Variants in BAZ2B observed in about 807,000 individuals in gnomAD.
The protein encoded by BAZ2B is bromodomain adjacent to zinc finger domain protein 2B.
In BAZ2B, 91 loss-of-function variants were observed where a neutral mutation model predicts 246.0. The ratio of observed to expected loss-of-function variants is 0.37; its 90% CI spans 0.31 to 0.44. The LOEUF is 0.44. Among genes scored for constraint, BAZ2B ranks in the 20% least tolerant of loss-of-function variants. BAZ2B has a pLI of 1.00. For missense variants in BAZ2B, 2,332 were observed against 2,533.7 expected (o/e 0.92, Z 1.71); for synonymous variants, 855 against 860.0 (o/e 0.99, Z 0.10).
chr2:159,445,752 G>A (rs1188598178), intron 6 of BAZ2B, among the ~76,000 whole-genome samples: 1 of 152,198 alleles, frequency 6.6e-6, no homozygotes, highest in Non-Finnish European at 1.5e-5. Context: ...TAGAGAAGCT[G>A]TCAGCCAGCA....
At chr2:159,377,500 C>T (rs925981797) in intron 25 of BAZ2B, among the ~76,000 whole-genome samples, 1 of 152,080 alleles carries the variant, frequency 6.6e-6, no homozygotes, top group South Asian at 2.1e-4. Flanking sequence ...CTATTTAACT[C>T]TATAATTCAA....
intron 13 of BAZ2B, among the ~76,000 whole-genome samples, chr2:159,414,920 T>C (rs2067423281): frequency 6.6e-6 from 1 of 152,042 alleles, no homozygotes; most frequent in Non-Finnish European, 1.5e-5. Context: ...AGTATAATAG[T>C]GGTACTGTGG....
chr2:159,543,527 T>G (rs1444173460), intron 2 of BAZ2B, among the ~76,000 whole-genome samples: 1 of 151,504 alleles, frequency 6.6e-6, no homozygotes, highest in African/African-American at 2.4e-5. Context: ...CCTAAAATCT[T>G]AACAATTCTT....
intron 2 of BAZ2B, among the ~76,000 whole-genome samples, chr2:159,497,637 T>A (rs1363127417): frequency 6.6e-6 from 1 of 152,152 alleles, no homozygotes; most frequent in East Asian, 1.9e-4. Flanking sequence ...AAGTGGTTGC[T>A]GAGATTAAGA....
intron 14 of BAZ2B, among the ~76,000 whole-genome samples, chr2:159,406,507 T>G (rs1309285223): frequency 6.6e-6 from 1 of 152,204 alleles, no homozygotes; most frequent in Non-Finnish European, 1.5e-5. Flanking sequence ...TATCCTTGCT[T>G]TCTTCTGCTG....
the BAZ2B span, among the ~76,000 whole-genome samples, chr2:159,644,990 CT>C: frequency 6.6e-6 from 1 of 152,142 alleles, no homozygotes; most frequent in Non-Finnish European, 1.5e-5. Flanking sequence ...AAAATCACCT[CT>C]GGGCCAGGCA....
At chr2:159,677,646 C>A in the BAZ2B span, among the ~76,000 whole-genome samples, 1 of 152,128 alleles carries the variant, frequency 6.6e-6, no homozygotes, top group African/African-American at 2.4e-5. Context: ...CATATTGCAA[C>A]AATGGAGAGT....
intron 2 of BAZ2B, among the ~76,000 whole-genome samples, chr2:159,554,237 A>G (rs2088759115): frequency 1.3e-5 from 2 of 152,208 alleles, no homozygotes; most frequent in Admixed American, 1.3e-4. Flanking sequence ...AAACTGTGGG[A>G]AAAAAAATTT....
chr2:159,698,523 A>AG, the BAZ2B span, among the ~76,000 whole-genome samples: 12 of 145,906 alleles, frequency 8.2e-5, no homozygotes, highest in Non-Finnish European at 1.4e-4. Flanking sequence ...CACAAAAAAA[A>AG]AAAAACAAAA....
Position 159,453,790 on chromosome 2 carries a change from T to C in BAZ2B, c.157A>G (p.Arg53Gly). The change falls in exon 4 of 37, where the codon AGA (arginine) becomes GGA (glycine). Residue 53 changes from arginine to glycine, a missense_variant. This residue lies in a region of BAZ2B where 242 missense variants were observed against 237.4 expected (regional missense o/e 1.02). Transcript: ENST00000392783. ...TTAAACGGTTGATCCCCAGCTGTTC[T>C]GAATAAATGTCCTGGGAGGGAAAAA... is the stretch of plus-strand genomic sequence containing the variant. ...STINPCGHLF[R>G]TAGDQPFNLS... is the part of the protein sequence containing the mutation. 6.3e-7 allele frequency: 1 copy of C among 1,595,300 alleles called. No homozygotes were observed. Among genetic ancestry groups the C allele is most frequent in the Non-Finnish European group, 8.5e-7 (1 of 1,170,298 alleles).
chr2:159,559,055 C>T (rs2089543647), intron 1 of BAZ2B, among the ~76,000 whole-genome samples: 1 of 152,068 alleles, frequency 6.6e-6, no homozygotes, highest in Non-Finnish European at 1.5e-5. Context: ...GCCTGGGCAA[C>T]ATGGTGAAAC....
chr2:159,324,674 ACACACACACACACACCTGC>A, intron 36 of BAZ2B, 118 bp downstream of exon 36: 1 of 273,524 alleles, frequency 3.7e-6, no homozygotes. Flanking sequence ...ACACACACAC[ACACACACACACACACCTGC>A]CTCAAAGGCA....
At chr2:159,356,525 G>T (rs905913424) in intron 27 of BAZ2B, among the ~76,000 whole-genome samples, 1 of 152,204 alleles carries the variant, frequency 6.6e-6, no homozygotes, top group Non-Finnish European at 1.5e-5. Flanking sequence ...ATCTCCCTGG[G>T]GGAAGATGCA....
chr2:159,633,124 T>C, the BAZ2B span, among the ~76,000 whole-genome samples: 4 of 150,794 alleles, frequency 2.7e-5, no homozygotes, highest in Admixed American at 6.7e-5. Flanking sequence ...TATGTACTTA[T>C]AAGCATACAT....
chr2:159,325,014 TA>T (rs1472005282), intron 35 of BAZ2B, 60 bp from the exon 36 acceptor site: 2 of 806,794 alleles, frequency 2.5e-6, no homozygotes, highest in East Asian at 1.2e-4. Context: ...ATTTTTTAAT[TA>T]AAAAAGCTTT....
chr2:159,349,775 G>C lies in BAZ2B; in HGVS notation c.4796C>G (p.Pro1599Arg). 2 of 1,614,102 alleles carry C rather than the reference G, an allele frequency of 1.2e-6. No individual in the cohort carries two copies. The highest frequency in any genetic ancestry group is 1.7e-6 in the Non-Finnish European group (2 of 1,179,996). The change falls in exon 28 of 37, where the codon CCA becomes CGA. Residue 1599 changes from proline to arginine, a missense_variant. Pro to Arg is a moderately radical substitution (Grantham distance 103). Coordinates refer to ENST00000392783, the MANE Select transcript of BAZ2B (RefSeq NM_013450.4). ...CTGAGCAGAAGATCCAAGAGGAGCT[G>C]GGGTAGGTGAAGGTGACTTAGATGG... is the stretch of plus-strand genomic sequence containing the variant. Reference protein sequence around the residue: ...QPPSKSPSPTPAPLGSSAQNP... With the variant: ...QPPSKSPSPTRAPLGSSAQNP...
At chr2:159,643,444 C>T in the BAZ2B span, among the ~76,000 whole-genome samples, 3 of 152,106 alleles carry the variant, frequency 2.0e-5, no homozygotes, top group Non-Finnish European at 2.9e-5. Context: ...CCTTACAGGC[C>T]CCATTTCCAA....
chr2:159,362,454 T>C (rs1448093873), intron 27 of BAZ2B, among the ~76,000 whole-genome samples: 1 of 152,192 alleles, frequency 6.6e-6, no homozygotes. Context: ...TCTCTTGGAG[T>C]GCTCTTGCTG....
chr2:159,356,005 T>C (rs997549741), intron 27 of BAZ2B, among the ~76,000 whole-genome samples: 1 of 152,212 alleles, frequency 6.6e-6, no homozygotes, highest in Non-Finnish European at 1.5e-5. Context: ...GACCAGGAGA[T>C]TGCCTCCGGT....
Sources: gnomAD v4.1 joint callset for allele counts (sites outside exome capture counted in the v4.1 genomes callset) on GRCh38, gnomAD v4.1.1 for gene constraint, gnomAD v4.1.1 regional missense constraint, MANE v1.5 for transcripts, NCBI Gene and HGNC (gene_info 2026-07-23, HGNC 2026-07-21) for gene names.